Variants in DAPK2 observed in about 807,000 individuals in gnomAD.
DAPK2 encodes the protein death associated protein kinase 2, also known as death-associated protein kinase 2.
Under a neutral mutation model 44.1 loss-of-function variants are expected in DAPK2, and 35 were observed. That is an observed-to-expected ratio of 0.79 (90% CI 0.61 to 1.05). The LOEUF (loss-of-function observed/expected upper bound fraction) is 1.05. DAPK2 is among the 50% of genes least tolerant of loss of function. DAPK2 has a pLI of 0.00. For missense variants in DAPK2, 453 were observed against 483.2 expected (o/e 0.94, Z 0.59); for synonymous variants, 174 against 182.6 (o/e 0.95, Z 0.38).
chr15:64,035,533 G>C (rs1016833060), intron 1 of DAPK2, among the ~76,000 whole-genome samples: 8 of 152,126 alleles, frequency 5.3e-5, no homozygotes, highest in African/African-American at 1.9e-4. Flanking sequence ...CCTGGGCTAG[G>C]AGTCAGACCA....
At chr15:64,034,394 C>G (rs544871117) in intron 1 of DAPK2, among the ~76,000 whole-genome samples, 12 of 152,300 alleles carry the variant, frequency 7.9e-5, no homozygotes, top group African/African-American at 2.6e-4. Flanking sequence ...AATCTTTGTC[C>G]ACATTCAGGC....
At chr15:63,913,445 G>A (rs2078847356) in intron 8 of DAPK2, among the ~76,000 whole-genome samples, 1 of 152,050 alleles carries the variant, frequency 6.6e-6, no homozygotes, top group African/African-American at 2.4e-5. Context: ...GATTCTCAAA[G>A]GCCCCCATGA....
intron 1 of DAPK2, among the ~76,000 whole-genome samples, chr15:63,995,938 C>A (rs1461942771): frequency 6.6e-6 from 1 of 152,222 alleles, no homozygotes. Flanking sequence ...GGCTTTCTTT[C>A]AGAAATTACC....
At chr15:64,036,319 G>GTATATATATATATATATATATATATA (rs57218056) in intron 1 of DAPK2, among the ~76,000 whole-genome samples, 2 of 56,662 alleles carry the variant, frequency 3.5e-5, no homozygotes, top group Non-Finnish European at 8.0e-5. Context: ...GTATATATAT[G>GTATATATATATATATATATATATATA]TATATATATA....
intron 2 of DAPK2, 58 bp from the exon 4 acceptor site, chr15:63,971,619 G>A: frequency 6.3e-7 from 1 of 1,584,892 alleles, no homozygotes; most frequent in Non-Finnish European, 8.6e-7. Context: ...TGCATGTCAT[G>A]AGGCTGGGCT....
intron 4 of DAPK2, among the ~76,000 whole-genome samples, chr15:63,932,904 T>C (rs756172331): frequency 1.5e-4 from 23 of 152,268 alleles, no homozygotes; most frequent in Non-Finnish European, 2.6e-4. Flanking sequence ...CCATGCTTTT[T>C]ACATTTTCAC....
intron 1 of DAPK2, among the ~76,000 whole-genome samples, chr15:64,004,575 G>A (rs74021223): frequency 0.041 from 6,212 of 152,262 alleles, 427 homozygotes; most frequent in African/African-American, 0.14. Context: ...GAGACTTTCA[G>A]AGACATTACT....
At chr15:63,940,041 G>A (rs933580989) in intron 3 of DAPK2, among the ~76,000 whole-genome samples, 7 of 152,182 alleles carry the variant, frequency 4.6e-5, no homozygotes, top group African/African-American at 1.7e-4. Flanking sequence ...GTGGGTGCAG[G>A]GTAGGGGACA....
chr15:63,927,980 C>T (rs889226557), intron 6 of DAPK2, among the ~76,000 whole-genome samples: 1 of 152,144 alleles, frequency 6.6e-6, no homozygotes, highest in African/African-American at 2.4e-5. Context: ...AACTCCTGGA[C>T]TTAAGCATCT....
chr15:64,035,344 G>A (rs2080151215), intron 1 of DAPK2, among the ~76,000 whole-genome samples: 1 of 152,012 alleles, frequency 6.6e-6, no homozygotes, highest in African/African-American at 2.4e-5. Context: ...CCTCCTCCTG[G>A]GAAACATCAC....
chr15:63,981,482 G>C (rs1405661793), intron 2 of DAPK2, among the ~76,000 whole-genome samples: 1 of 152,106 alleles, frequency 6.6e-6, no homozygotes, highest in Non-Finnish European at 1.5e-5. Context: ...AGTTAAAAGA[G>C]AAAAGCCAAT....
At chr15:64,040,445 G>C (rs1317556654), upstream of DAPK2, among the ~76,000 whole-genome samples, 2 of 152,014 alleles carry the variant, frequency 1.3e-5, no homozygotes, top group Admixed American at 6.6e-5. Context: ...GATGATGTAT[G>C]GTTCTTATTT....
intron 1 of DAPK2, among the ~76,000 whole-genome samples, chr15:64,007,867 T>C (rs1350685927): frequency 1.3e-5 from 2 of 152,236 alleles, no homozygotes; most frequent in Admixed American, 1.3e-4. Flanking sequence ...TGATCCATGC[T>C]ATATCATGGA....
At chr15:64,025,331 C>A (rs528801751) in intron 1 of DAPK2, among the ~76,000 whole-genome samples, 1 of 152,180 alleles carries the variant, frequency 6.6e-6, no homozygotes, top group African/African-American at 2.4e-5. Context: ...AGTGCAGGGC[C>A]AGGTATCGAG....
chr15:63,994,629 G>A (rs141084286), intron 1 of DAPK2, among the ~76,000 whole-genome samples: 440 of 127,294 alleles, frequency 3.5e-3, no homozygotes, highest in African/African-American at 0.012. Context: ...TCCCTCTGTC[G>A]CCCAGGCTGG....
intron 1 of DAPK2, among the ~76,000 whole-genome samples, chr15:64,039,430 C>A (rs370540994): frequency 6.6e-6 from 1 of 152,194 alleles, no homozygotes; most frequent in Non-Finnish European, 1.5e-5. Context: ...AACGCTGGAC[C>A]ACAGTTTCCT....
rs1250231890 is a variant in DAPK2 at position 63,983,755 on chromosome 15, C to A, written c.93-1G>T. On this transcript the variant is annotated splice_acceptor_variant, in intron 1 of 10. Coordinates refer to ENST00000261891, the Ensembl canonical transcript of DAPK2. LOFTEE classifies it high-confidence loss of function. ...CTTCTTCACGATGGCAAACTGGCCA[C>A]TGTGGGGACACAGACCCACAAGATT... 1 of 1,610,152 alleles carries A rather than the reference C, an allele frequency of 6.2e-7. No homozygotes were observed. The highest frequency in any genetic ancestry group is 1.7e-5 in the Admixed American group (1 of 59,998).
chr15:63,957,980 A>C (rs2077774699), intron 3 of DAPK2, among the ~76,000 whole-genome samples: 1 of 152,216 alleles, frequency 6.6e-6, no homozygotes, highest in Admixed American at 6.5e-5. Flanking sequence ...CCAACGGTGT[A>C]AAAGCATTCC....
At chr15:64,040,262 A>G in exon 1 of DAPK2, 3 of 1,613,796 alleles carry the variant, frequency 1.9e-6, no homozygotes, top group Non-Finnish European at 2.5e-6. Flanking sequence ...CCTGGAACAT[A>G]CAATCCTGAA....
Sources: gnomAD v4.1 joint callset for allele counts (sites outside exome capture counted in the v4.1 genomes callset) on GRCh38, gnomAD v4.1.1 for gene constraint, MANE v1.5 for transcripts, NCBI Gene and HGNC (gene_info 2026-07-23, HGNC 2026-07-21) for gene names.